The following WDR44 variants were observed in gnomAD, a reference collection of about 807,000 sequenced individuals.
WDR44 encodes the protein WD repeat-containing protein 44.
In WDR44, 9 loss-of-function variants were observed where a neutral mutation model predicts 65.7. That is an observed-to-expected ratio of 0.14 (90% CI 0.08 to 0.24). WDR44 has a LOEUF of 0.24. Ranked by LOEUF, WDR44 falls within the 10% of genes least tolerant of loss-of-function variation. The pLI is 1.00. For missense variants in WDR44, 425 were observed against 670.9 expected (o/e 0.63, Z 4.05); for synonymous variants, 220 against 235.2 (o/e 0.94, Z 0.59).
At chrX:118,413,565 G>A (rs187768709) in intron 12 of WDR44, among the ~76,000 whole-genome samples, 101 of 111,513 alleles carry the variant, frequency 9.1e-4, no homozygotes, top group African/African-American at 3.1e-3. Flanking sequence ...TGAGTTTGTT[G>A]TTCATTCTGG....
At chrX:118,445,825 C>T (rs1428971188) in intron 19 of WDR44, among the ~76,000 whole-genome samples, 4 of 110,725 alleles carry the variant, frequency 3.6e-5, no homozygotes, top group Non-Finnish European at 7.6e-5. Flanking sequence ...GTTGAGAGTT[C>T]GAGACCATCC....
intron 1 of WDR44, among the ~76,000 whole-genome samples, chrX:118,369,925 G>T (rs2147676898): frequency 8.9e-6 from 1 of 112,166 alleles, no homozygotes; most frequent in South Asian, 3.7e-4. Context: ...AGCCATGTGG[G>T]TTTTTTAGTA....
chrX:118,351,367 T>G (rs1217668921), intron 1 of WDR44, among the ~76,000 whole-genome samples: 1 of 112,205 alleles, frequency 8.9e-6, no homozygotes, highest in African/African-American at 3.2e-5. Flanking sequence ...TGTTGAAAAC[T>G]CAGCTTCTCA....
Position 118,438,797 on chromosome X carries a change from G to GTTTTTTTGTTTTTTTTT in WDR44, c.1974+1980_1974+1981insGTTTTTTTTTTTTTTTT, listed in dbSNP as rs1431508948. Among the ~76,000 whole-genome samples, 75 of 64,033 alleles carry GTTTTTTTGTTTTTTTTT rather than the reference G, an allele frequency of 1.2e-3. 2 individuals are homozygous for GTTTTTTTGTTTTTTTTT. Among genetic ancestry groups the GTTTTTTTGTTTTTTTTT allele is most frequent in the African/African-American group, 3.9e-3 (68 of 17,632 alleles). 55.6% of individuals were successfully genotyped at this position (64,033 alleles called of 115,157 possible). A position where few individuals can be genotyped will look rare whatever the true frequency, so the allele number is the denominator to read the frequency against. On this transcript the variant is annotated intron_variant, in intron 14 of 19. Transcript: ENST00000254029. ...TTTATTAAACTTTCTGTTCAGCCAT[G>GTTTTTTTGTTTTTTTTT]TTTTTTTTTTTTTTTTTTTTTGAAG... is the stretch of plus-strand genomic sequence containing the variant.
At chrX:118,400,084 T>A (rs1205907623) in intron 8 of WDR44, among the ~76,000 whole-genome samples, 2 of 100,616 alleles carry the variant, frequency 2.0e-5, no homozygotes, top group Non-Finnish European at 1.9e-5. Flanking sequence ...CAAGACCTTG[T>A]CCCCCACACC....
chrX:118,356,468 A>T (rs769032204), intron 1 of WDR44, among the ~76,000 whole-genome samples: 1 of 108,793 alleles, frequency 9.2e-6, no homozygotes, highest in East Asian at 2.9e-4. Context: ...TTTTGTTTTT[A>T]TTTTAGTATA....
At chrX:118,432,976 C>T (rs1049307757) in intron 13 of WDR44, 82 bp downstream of exon 13, 14 of 893,437 alleles carry the variant, frequency 1.6e-5, no homozygotes, top group African/African-American at 4.0e-5. Context: ...ATTTCTTCTC[C>T]GGGAAACCTC....
intron 1 of WDR44, among the ~76,000 whole-genome samples, chrX:118,374,086 C>T (rs1336456935): frequency 9.1e-6 from 1 of 109,950 alleles, no homozygotes; most frequent in Non-Finnish European, 1.9e-5. Context: ...TATCCCTCCC[C>T]TAGCCCCCCA....
chrX:118,372,022 A>G (rs1318000945), intron 1 of WDR44, among the ~76,000 whole-genome samples: 2 of 96,599 alleles, frequency 2.1e-5, no homozygotes, highest in South Asian at 4.5e-4. Context: ...AGCTCCTGCT[A>G]TCACTGGAGA....
intron 2 of WDR44, among the ~76,000 whole-genome samples, chrX:118,385,791 A>G (rs1334003568): frequency 2.7e-5 from 3 of 111,729 alleles, no homozygotes; most frequent in Non-Finnish European, 5.6e-5. Flanking sequence ...GAATCATCCT[A>G]TTGGCCAGAA....
rs1256697109 is a variant in WDR44, at chrX:118,406,805, G to T, written c.1382-70G>T. 7 of 1,026,367 alleles carry T rather than the reference G, an allele frequency of 6.8e-6. No homozygotes were observed. The East Asian group carries it at 2.2e-4, about 32-fold the overall frequency. 84.6% of individuals were successfully genotyped at this position (1,026,367 alleles called of 1,213,427 possible). A position where few individuals can be genotyped will look rare whatever the true frequency, so the allele number is the denominator to read the frequency against. ...TTTAATGAATTTTCTTGGTATGCAG[G>T]AAATATGAAATTATGATAATAGCAA... is the stretch of plus-strand genomic sequence containing the variant. On this transcript the variant is annotated intron_variant, in intron 9 of 19. Transcript: ENST00000254029.
intron 14 of WDR44, among the ~76,000 whole-genome samples, chrX:118,439,800 G>T (rs1368753647): frequency 9.3e-6 from 1 of 107,213 alleles, no homozygotes; most frequent in Non-Finnish European, 1.9e-5. Flanking sequence ...GGGGGATTTG[G>T]GGTGGGGGAA....
intron 12 of WDR44, among the ~76,000 whole-genome samples, chrX:118,423,742 T>G (rs2057125211): frequency 8.9e-6 from 1 of 112,022 alleles, no homozygotes. Flanking sequence ...TTGTACCCTT[T>G]GACTAATACC....
chrX:118,406,816 TTATGATAATAGCAATATCTACATTAGC>T, intron 9 of WDR44, 32 bp from the exon 10 acceptor site: 2 of 1,056,128 alleles, frequency 1.9e-6, no homozygotes, highest in Non-Finnish European at 2.5e-6. Flanking sequence ...AAATATGAAA[TTATGATAATAGCAATATCTACATTAGC>T]TAGTAGTGAT....
At chrX:118,398,053 A>G (rs1490770913) in intron 7 of WDR44, among the ~76,000 whole-genome samples, 2 of 111,419 alleles carry the variant, frequency 1.8e-5, no homozygotes, top group Non-Finnish European at 3.8e-5. Flanking sequence ...CCTGGGCAAC[A>G]TGGTGAAACC....
At chrX:118,384,882 C>T (rs2056752271) in intron 2 of WDR44, among the ~76,000 whole-genome samples, 1 of 111,576 alleles carries the variant, frequency 9.0e-6, no homozygotes, top group Non-Finnish European at 1.9e-5. Flanking sequence ...TCTCCTTTCA[C>T]CTCCCTAGTT....
At chrX:118,357,422 A>G (rs1292879126) in intron 1 of WDR44, among the ~76,000 whole-genome samples, 1 of 111,812 alleles carries the variant, frequency 8.9e-6, no homozygotes, top group Admixed American at 9.5e-5. Flanking sequence ...TCCTCTGCTC[A>G]TCTTTGGTGA....
At chrX:118,349,885 T>G (rs1244137328) in intron 1 of WDR44, among the ~76,000 whole-genome samples, 1 of 111,472 alleles carries the variant, frequency 9.0e-6, no homozygotes, top group Non-Finnish European at 1.9e-5. Context: ...AGTGAATTTG[T>G]CCTAGGAGAG....
At chrX:118,356,438 G>T (rs1268620614) in intron 1 of WDR44, among the ~76,000 whole-genome samples, 2 of 110,768 alleles carry the variant, frequency 1.8e-5, no homozygotes, top group East Asian at 5.7e-4. Context: ...TGCTTAGTTA[G>T]GCCACAGTAC....
Sources: gnomAD v4.1 joint callset for allele counts (sites outside exome capture counted in the v4.1 genomes callset) on GRCh38, gnomAD v4.1.1 for gene constraint, MANE v1.5 for transcripts, NCBI Gene and HGNC (gene_info 2026-07-23, HGNC 2026-07-21) for gene names.